RBBP8: variants seen among roughly 807,000 people sequenced by gnomAD.
RBBP8 encodes RB binding protein 8, endonuclease.
In RBBP8, 88 loss-of-function variants were observed where a neutral mutation model predicts 108.3. The ratio of observed to expected loss-of-function variants is 0.81; its 90% CI spans 0.68 to 0.97. The LOEUF (loss-of-function observed/expected upper bound fraction) is 0.97, where lower values mean the gene tolerates loss of function less well. Ranked by LOEUF, RBBP8 falls within the 50% of genes least tolerant of loss-of-function variation. The pLI is 0.00. For missense variants in RBBP8, 1,023 were observed against 1,049.0 expected (o/e 0.98, Z 0.34); for synonymous variants, 332 against 348.2 (o/e 0.95, Z 0.52).
chr18:23,026,170 G>T lies in RBBP8; in HGVS notation c.2624G>T (p.Cys875Phe). 1 of 1,613,604 alleles carries T rather than the reference G, an allele frequency of 6.2e-7. No individual in the cohort carries two copies. Among genetic ancestry groups the T allele is most frequent in the Non-Finnish European group, 8.5e-7 (1 of 1,179,668 alleles). ...TATATTAAGGAAGATCTTGATCCTT[G>T]TCCTCGTCCAAAAAGACGTCAGCCT... ...RGYIKEDLDP[C>F]PRPKRRQPYN... Residue 875 changes from cysteine to phenylalanine, a missense_variant, in exon 19 of 19, where the codon TGT becomes TTT. Transcript: ENST00000327155.
chr18:22,926,063 T>C lies in RBBP8; in HGVS notation c.-153-3320T>C, dbSNP rs576130553. ...AGCTTATATGAATAGATACGAAATA[T>C]TGTCCAAACAGCCACTGCATTATAA... is the stretch of plus-strand genomic sequence containing the variant. On this transcript the variant is annotated intron_variant, in intron 3 of 4. Transcript: ENST00000577588. Among the ~76,000 whole-genome samples, 128 of 152,288 alleles carry C rather than the reference T, an allele frequency of 8.4e-4. No homozygotes were observed. In the Middle Eastern group the frequency reaches 0.017, roughly 20 times the overall value.
chr18:23,007,443 G>A lies in RBBP8; in HGVS notation c.2357+1011G>A, dbSNP rs58992086. 4.9e-3 allele frequency among the ~76,000 whole-genome samples: 743 copies of A among 151,750 alleles called. 6 individuals are homozygous for A. Among genetic ancestry groups the A allele is most frequent in the African/African-American group, 0.017 (713 of 41,362 alleles). On this transcript the variant is annotated intron_variant, in intron 16 of 18. Coordinates refer to ENST00000327155, the MANE Select transcript of RBBP8 (RefSeq NM_002894.3). ...AGGTAGGCCAGGCATGGTGGCTCAC[G>A]CTTGTAATCCCAGCACTTTGGGAGG...
At chr18:22,988,745 A>G (rs1470311256) in intron 8 of RBBP8, among the ~76,000 whole-genome samples, 2 of 152,230 alleles carry the variant, frequency 1.3e-5, no homozygotes, top group African/African-American at 4.8e-5. Flanking sequence ...CTCCATAAAT[A>G]TTTGAGTTAA....
chr18:22,987,978 A>C (rs1915444922), intron 8 of RBBP8, among the ~76,000 whole-genome samples: 1 of 152,190 alleles, frequency 6.6e-6, no homozygotes, highest in Non-Finnish European at 1.5e-5. Context: ...TTGCATTTGC[A>C]ATCTCAGTGA....
chr18:22,942,600 C>G (rs1375830080), intron 2 of RBBP8, among the ~76,000 whole-genome samples: 2 of 151,892 alleles, frequency 1.3e-5, no homozygotes, highest in Non-Finnish European at 2.9e-5. Flanking sequence ...TGATATGTTC[C>G]TTTTGTGACA....
At chr18:22,965,902 C>T (rs1000433015) in intron 4 of RBBP8, among the ~76,000 whole-genome samples, 66 of 152,264 alleles carry the variant, frequency 4.3e-4, no homozygotes, top group Non-Finnish European at 5.1e-4. Flanking sequence ...AGCAAGTAGA[C>T]ATGTGGCTGC....
upstream of RBBP8, among the ~76,000 whole-genome samples, chr18:22,930,792 C>G (rs995661065): frequency 2.4e-4 from 36 of 152,020 alleles, 1 homozygote. Flanking sequence ...AATTTTAAGA[C>G]AGGGTCTCTC....
chr18:22,918,797 G>C (rs1056614064), intron 3 of RBBP8, among the ~76,000 whole-genome samples: 7 of 152,032 alleles, frequency 4.6e-5, no homozygotes, highest in African/African-American at 1.7e-4. Flanking sequence ...ATTTTTTGTA[G>C]AGATGTGTTC....
intron 1 of RBBP8, among the ~76,000 whole-genome samples, chr18:22,935,755 T>C (rs1476469126): frequency 6.6e-6 from 1 of 152,230 alleles, no homozygotes; most frequent in Non-Finnish European, 1.5e-5. Flanking sequence ...TATTAAAATA[T>C]TTACTAATCC....
At chr18:22,917,264 C>T (rs1909398273) in intron 3 of RBBP8, among the ~76,000 whole-genome samples, 1 of 152,116 alleles carries the variant, frequency 6.6e-6, no homozygotes, top group Non-Finnish European at 1.5e-5. Context: ...AAAAAAATCG[C>T]TTTCATTTGT....
chr18:22,918,792 T>C (rs1180899371), intron 3 of RBBP8, among the ~76,000 whole-genome samples: 1 of 152,180 alleles, frequency 6.6e-6, no homozygotes, highest in Non-Finnish European at 1.5e-5. Flanking sequence ...TAAAAATTTT[T>C]TGTAGAGATG....
chr18:22,944,603 T>C (rs1457497954), intron 2 of RBBP8, among the ~76,000 whole-genome samples: 2 of 152,246 alleles, frequency 1.3e-5, no homozygotes, highest in South Asian at 2.1e-4. Context: ...GCTGTGAACA[T>C]TCAATACAGG....
chr18:22,939,625 A>G (rs1910885873), intron 2 of RBBP8, among the ~76,000 whole-genome samples: 2 of 152,300 alleles, frequency 1.3e-5, no homozygotes, highest in Non-Finnish European at 1.5e-5. Context: ...AACAACCCCA[A>G]AAGTATTCTT....
chr18:23,020,421 C>CAATAAATA (rs557467999), intron 17 of RBBP8, among the ~76,000 whole-genome samples: 2 of 151,624 alleles, frequency 1.3e-5, no homozygotes, highest in African/African-American at 2.4e-5. Flanking sequence ...AACTCCATCT[C>CAATAAATA]AATAAATAAA....
In RBBP8 at chr18:22,992,864, T is replaced by C; in HGVS notation, c.1037T>C (p.Leu346Ser). Residue 346 changes from leucine (L) to serine (S), a missense_variant, in exon 11 of 19, where the codon TTG (leucine) becomes TCG (serine). By Grantham distance (145) the Leu-to-Ser change is moderately radical. Coordinates refer to ENST00000327155, the MANE Select transcript of RBBP8 (RefSeq NM_002894.3). ...AGTGGTTTAGATTTGAATACAAGTT[T>C]GTCCCCTTCTCTTTTACAGCCTGGG... ...IKSGLDLNTS[L>S]SPSLLQPGKK... 6.2e-7 allele frequency: 1 copy of C among 1,613,976 alleles called. No homozygotes were observed. The highest frequency in any genetic ancestry group is 8.5e-7 in the Non-Finnish European group (1 of 1,179,900).
At chr18:22,964,689 A>T (rs1302022214) in intron 4 of RBBP8, among the ~76,000 whole-genome samples, 2 of 151,442 alleles carry the variant, frequency 1.3e-5, no homozygotes, top group Admixed American at 6.6e-5. Context: ...ACAGGATCTG[A>T]CTATGTTGCC....
chr18:22,987,716 A>C (rs1005752292), intron 8 of RBBP8, among the ~76,000 whole-genome samples: 1 of 152,204 alleles, frequency 6.6e-6, no homozygotes, highest in Non-Finnish European at 1.5e-5. Flanking sequence ...AGCCTGCCAA[A>C]GTGTTGGGAT....
rs954908377 is a variant in RBBP8, at chr18:22,993,458, C to T, written c.1631C>T (p.Thr544Met). ...SSRKASDGNC[T>M]LPKDSPGEPC... ...CGTAAGGCCTCAGATGGCAACTGCA[C>T]GTTGCCCAAAGATTCCCCAGGGGAG... is the stretch of plus-strand genomic sequence containing the variant. The change falls in exon 11 of 19, where the codon ACG (threonine) becomes ATG (methionine). Residue 544 changes from threonine to methionine, a missense_variant. Physicochemically the swap from Thr to Met is moderately conservative, Grantham distance 81 (BLOSUM62 -1). Transcript: ENST00000327155. 3 of 1,614,208 alleles carry T rather than the reference C, an allele frequency of 1.9e-6. No homozygotes were observed. The highest frequency in any genetic ancestry group is 2.2e-5 in the East Asian group (1 of 44,890).
At chr18:22,922,767 T>G (rs937494959) in intron 3 of RBBP8, among the ~76,000 whole-genome samples, 2 of 152,156 alleles carry the variant, frequency 1.3e-5, no homozygotes, top group Non-Finnish European at 2.9e-5. Flanking sequence ...ACTTGGCCAA[T>G]AAATAATTTC....
Sources: allele counts gnomAD v4.1 joint callset (sites outside exome capture counted in the v4.1 genomes callset), GRCh38; gene constraint gnomAD v4.1.1; transcripts MANE v1.5; gene names NCBI Gene and HGNC (gene_info 2026-07-23, HGNC 2026-07-21).